The following ALK variants were observed in gnomAD, a reference collection of about 807,000 sequenced individuals.
ALK encodes ALK tyrosine kinase receptor.
ALK carries 74 observed loss-of-function variants against 163.1 expected under a neutral mutation model. That is an observed-to-expected ratio of 0.45 (90% confidence interval 0.38 to 0.55). The LOEUF is 0.55. Ranked by LOEUF, ALK falls within the 20% of genes least tolerant of loss-of-function variation. ALK has a pLI of 0.00. For missense variants in ALK, 2,063 were observed against 2,105.3 expected (o/e 0.98, Z 0.39); for synonymous variants, 960 against 843.2 (o/e 1.14, Z -2.40).
At chr2:29,275,319 T>G (rs1573183754) in intron 10 of ALK, 83 bp downstream of exon 10, 1 of 1,606,246 alleles carries the variant, frequency 6.2e-7, no homozygotes, top group South Asian at 1.1e-5. Flanking sequence ...GGAGAGACAG[T>G]CAGGCTTAGG....
intron 8 of ALK, among the ~76,000 whole-genome samples, chr2:29,307,551 G>T (rs972905262): frequency 6.6e-6 from 1 of 152,218 alleles, no homozygotes; most frequent in African/African-American, 2.4e-5. Flanking sequence ...AATATAGGGT[G>T]CCAGAGGGTT....
At chr2:29,786,122 T>C (rs1373753927) in intron 1 of ALK, among the ~76,000 whole-genome samples, 1 of 152,240 alleles carries the variant, frequency 6.6e-6, no homozygotes, top group Non-Finnish European at 1.5e-5. Context: ...CCCCTTTTAA[T>C]GACGAATGCT....
chr2:29,480,061 A>G (rs1294645537), intron 4 of ALK, among the ~76,000 whole-genome samples: 1 of 152,232 alleles, frequency 6.6e-6, no homozygotes, highest in Non-Finnish European at 1.5e-5. Flanking sequence ...GTGACTTTGT[A>G]TATTTCAGCA....
At chr2:29,490,907 T>A (rs181208173) in intron 4 of ALK, among the ~76,000 whole-genome samples, 1 of 152,342 alleles carries the variant, frequency 6.6e-6, no homozygotes, top group East Asian at 1.9e-4. Context: ...ATGTGATTTC[T>A]ATTACTGACA....
intron 3 of ALK, among the ~76,000 whole-genome samples, chr2:29,691,021 T>C (rs1336697407): frequency 6.6e-6 from 1 of 152,198 alleles, no homozygotes; most frequent in African/African-American, 2.4e-5. Context: ...TGCTTGGCCA[T>C]TGTGCAGAAT....
chr2:29,224,011 G>T (rs2148172482), intron 19 of ALK: 1 of 275,580 alleles, frequency 3.6e-6, no homozygotes. Context: ...TTTCAGCAAG[G>T]CCCTAAGGGG....
intron 1 of ALK, among the ~76,000 whole-genome samples, chr2:29,896,046 T>C (rs556893874): frequency 6.6e-6 from 1 of 152,148 alleles, no homozygotes. Context: ...TTTCCTGCAA[T>C]GGGAGAGTAG....
chr2:29,752,498 C>T lies in ALK; in HGVS notation c.668-34801G>A, dbSNP rs1457133746. Among the ~76,000 whole-genome samples the T allele has an allele frequency of 3.3e-5, 5 of 151,506 alleles. 1 individual carries two copies. Among genetic ancestry groups the T allele is most frequent in the Admixed American group, 2.0e-4 (3 of 15,198 alleles). On this transcript the variant is annotated intron_variant, in intron 1 of 28. Transcript: ENST00000389048. ...CTGTGTAGCTGGGACTACAGGCACG[C>T]GCCACCATGCCCGGCTAATTTTTGT... is the stretch of plus-strand genomic sequence containing the variant.
At chr2:29,622,098 C>T (rs138754781) in intron 3 of ALK, among the ~76,000 whole-genome samples, 6 of 152,198 alleles carry the variant, frequency 3.9e-5, no homozygotes, top group Non-Finnish European at 8.8e-5. Flanking sequence ...ACACCCATAC[C>T]GCTAAATTAA....
intron 1 of ALK, among the ~76,000 whole-genome samples, chr2:29,744,040 T>C (rs919386425): frequency 2.6e-5 from 4 of 152,106 alleles, no homozygotes; most frequent in Non-Finnish European, 4.4e-5. Context: ...TGCCACTGCA[T>C]GCAAAACTTA....
chr2:29,542,360 T>C (rs1217781796), intron 3 of ALK, among the ~76,000 whole-genome samples: 2 of 152,198 alleles, frequency 1.3e-5, no homozygotes, highest in South Asian at 2.1e-4. Context: ...TTTCCTCTTT[T>C]AATTTGTATC....
rs1666635474 is a variant in ALK at position 29,309,449 on chromosome 2, A to T, written c.1647+8855T>A. 2.0e-5 allele frequency among the ~76,000 whole-genome samples: 3 copies of T among 152,206 alleles called. No homozygotes were observed. The South Asian group carries it at 6.2e-4, about 31-fold the overall frequency. On this transcript the variant is annotated intron_variant, in intron 8 of 28. Coordinates refer to ENST00000389048, the MANE Select transcript of ALK (RefSeq NM_004304.5). Reference sequence around the variant, plus strand: ...AGCTTCATCATGCAATGGGAGAGGTATTAGTTGTGAATGGCTCAAAGGTAT... The same window carrying T: ...AGCTTCATCATGCAATGGGAGAGGTTTTAGTTGTGAATGGCTCAAAGGTAT...
intron 1 of ALK, among the ~76,000 whole-genome samples, chr2:29,873,620 C>T (rs1377365778): frequency 1.3e-5 from 2 of 152,006 alleles, no homozygotes; most frequent in Non-Finnish European, 2.9e-5. Flanking sequence ...GTGCCTAAAG[C>T]CAAATTCTAG....
chr2:29,834,762 A>G (rs543746554), intron 1 of ALK, among the ~76,000 whole-genome samples: 8 of 152,330 alleles, frequency 5.3e-5, no homozygotes, highest in African/African-American at 1.9e-4. Flanking sequence ...AAACCACTTT[A>G]CTGTGGTGAC....
At chr2:29,404,612 T>TA (rs1489856494) in intron 4 of ALK, among the ~76,000 whole-genome samples, 3 of 152,176 alleles carry the variant, frequency 2.0e-5, no homozygotes, top group Non-Finnish European at 4.4e-5. Context: ...AAGGCACCTA[T>TA]AAGCAATTTC....
chr2:29,341,370 C>T (rs1195609691), intron 5 of ALK, among the ~76,000 whole-genome samples: 1 of 152,190 alleles, frequency 6.6e-6, no homozygotes, highest in Non-Finnish European at 1.5e-5. Context: ...GAAACTGCAA[C>T]TGGCATGGGC....
chr2:29,787,371 T>C (rs1208423585), intron 1 of ALK, among the ~76,000 whole-genome samples: 1 of 152,242 alleles, frequency 6.6e-6, no homozygotes, highest in Non-Finnish European at 1.5e-5. Flanking sequence ...TGTTTTTCTA[T>C]GACTGAGCCA....
intron 3 of ALK, among the ~76,000 whole-genome samples, chr2:29,628,431 A>G (rs1676261029): frequency 6.6e-6 from 1 of 152,222 alleles, no homozygotes; most frequent in African/African-American, 2.4e-5. Flanking sequence ...TAAGTGTATA[A>G]GCAGCCATAG....
At chr2:29,217,188 TGTGTG>T (rs1669660674) in intron 23 of ALK, among the ~76,000 whole-genome samples, 1 of 150,990 alleles carries the variant, frequency 6.6e-6, no homozygotes, top group Non-Finnish European at 1.5e-5. Context: ...GTTGTGTACA[TGTGTG>T]GTGTTTTGTG....
Sources: allele counts gnomAD v4.1 joint callset (sites outside exome capture counted in the v4.1 genomes callset), GRCh38; gene constraint gnomAD v4.1.1; transcripts MANE v1.5; gene names NCBI Gene and HGNC (gene_info 2026-07-23, HGNC 2026-07-21).